DCC: variants seen among roughly 807,000 people sequenced by gnomAD.
DCC encodes the protein DCC netrin 1 receptor.
In DCC, 58 loss-of-function variants were observed where a neutral mutation model predicts 172.5. That is an observed-to-expected ratio of 0.34 (90% CI 0.27 to 0.42). DCC has a LOEUF of 0.42. DCC is among the 10% of genes least tolerant of loss of function. DCC has a pLI of 1.00. For missense variants in DCC, 1,740 were observed against 1,791.0 expected (o/e 0.97, Z 0.51); for synonymous variants, 709 against 644.5 (o/e 1.10, Z -1.52).
intron 1 of DCC, among the ~76,000 whole-genome samples, chr18:52,372,136 C>T (rs1398265283): frequency 3.9e-5 from 6 of 152,164 alleles, no homozygotes; most frequent in Non-Finnish European, 7.3e-5. Context: ...TAGTTATGCC[C>T]TCTTCTTTTG....
intron 1 of DCC, among the ~76,000 whole-genome samples, chr18:52,683,691 G>C (rs1326040602): frequency 1.3e-5 from 2 of 152,022 alleles, no homozygotes; most frequent in Non-Finnish European, 2.9e-5. Flanking sequence ...AAGCTTCACT[G>C]ATGGAAAGGG....
At chr18:52,556,733 C>G (rs1031288425) in intron 1 of DCC, among the ~76,000 whole-genome samples, 1 of 152,042 alleles carries the variant, frequency 6.6e-6, no homozygotes, top group Non-Finnish European at 1.5e-5. Context: ...TCCTTCCCCC[C>G]ACCTCATGAA....
intron 12 of DCC, among the ~76,000 whole-genome samples, chr18:53,251,247 C>T (rs1303487679): frequency 6.6e-6 from 1 of 151,934 alleles, no homozygotes; most frequent in Non-Finnish European, 1.5e-5. Flanking sequence ...TTTCCTAATG[C>T]TTACAAACAG....
chr18:53,401,803 G>A (rs950486588), intron 18 of DCC, among the ~76,000 whole-genome samples: 8 of 152,270 alleles, frequency 5.3e-5, no homozygotes, highest in African/African-American at 9.6e-5. Context: ...CTTCCAAAAC[G>A]TAGAAAGTGA....
chr18:53,371,701 T>C (rs576276649), intron 15 of DCC, among the ~76,000 whole-genome samples: 2 of 152,166 alleles, frequency 1.3e-5, no homozygotes, highest in Non-Finnish European at 2.9e-5. Flanking sequence ...TTCTATTGAA[T>C]GTTAACCCAA....
intron 15 of DCC, among the ~76,000 whole-genome samples, chr18:53,343,283 A>G (rs1050561185): frequency 8.6e-5 from 13 of 152,020 alleles, no homozygotes; most frequent in African/African-American, 3.1e-4. Context: ...TTACCATGAA[A>G]TAGGTTATTA....
At chr18:52,948,891 G>A (rs889272036) in intron 5 of DCC, among the ~76,000 whole-genome samples, 7 of 152,088 alleles carry the variant, frequency 4.6e-5, no homozygotes, top group Non-Finnish European at 1.0e-4. Flanking sequence ...GTGTTGCTTG[G>A]TCACACAGCT....
At chr18:52,483,738 C>T (rs538588907) in intron 1 of DCC, among the ~76,000 whole-genome samples, 4 of 152,176 alleles carry the variant, frequency 2.6e-5, no homozygotes, top group African/African-American at 2.4e-5. Flanking sequence ...CTGGGTTTCT[C>T]AATCTGGAAA....
chr18:52,966,752 C>T (rs1454498583), intron 5 of DCC, among the ~76,000 whole-genome samples: 1 of 152,164 alleles, frequency 6.6e-6, no homozygotes, highest in Non-Finnish European at 1.5e-5. Context: ...CCCCTTCAGG[C>T]CTATCAGTGG....
chr18:52,788,914 C>T (rs556601831), intron 2 of DCC, among the ~76,000 whole-genome samples: 1 of 152,224 alleles, frequency 6.6e-6, no homozygotes, highest in East Asian at 1.9e-4. Flanking sequence ...CATTGCAAGG[C>T]AACCCAAATC....
At position 53,037,082 on chromosome 18, in the gene DCC, C is replaced by G. The variant is rs138092111; in HGVS notation, c.986-26223C>G. Among the ~76,000 whole-genome samples the G allele has an allele frequency of 5.6e-3, 856 of 152,026 alleles. 4 individuals carry two copies. The highest frequency in any genetic ancestry group is 0.041 in the Middle Eastern group (12 of 294). The stretch of plus-strand genomic sequence containing the variant: ...TGACTTCTCTTTACACAGAGTAAAC[C>G]ATTACGGGGACATCAGGAAAGACCC... On this transcript the variant is annotated intron_variant, in intron 5 of 28. Coordinates refer to ENST00000442544, the MANE Select transcript of DCC (RefSeq NM_005215.4).
At chr18:53,334,957 G>A (rs1161068689) in intron 14 of DCC, among the ~76,000 whole-genome samples, 4 of 152,276 alleles carry the variant, frequency 2.6e-5, no homozygotes, top group African/African-American at 9.6e-5. Flanking sequence ...ATACTTAGAT[G>A]AGGAATTGCA....
At chr18:52,480,494 T>A (rs1474886460) in intron 1 of DCC, among the ~76,000 whole-genome samples, 3 of 152,162 alleles carry the variant, frequency 2.0e-5, no homozygotes, top group East Asian at 3.9e-4. Flanking sequence ...CAGGGATCTA[T>A]CAACACAAGT....
chr18:53,122,129 TA>T (rs1456101513), intron 7 of DCC, among the ~76,000 whole-genome samples: 1 of 152,024 alleles, frequency 6.6e-6, no homozygotes, highest in Non-Finnish European at 1.5e-5. Context: ...TGACTGATTT[TA>T]AAATTTTCAG....
chr18:53,480,861 A>G (rs536773128), intron 25 of DCC: 13 of 152,332 alleles, frequency 8.5e-5, no homozygotes, highest in South Asian at 2.1e-4. Context: ...TATTTTCTCA[A>G]TAGTATCTGA....
chr18:52,451,481 G>A (rs1988302918), intron 1 of DCC, among the ~76,000 whole-genome samples: 1 of 152,274 alleles, frequency 6.6e-6, no homozygotes, highest in Non-Finnish European at 1.5e-5. Context: ...GCCTCACTGT[G>A]TTAAACCAGC....
intron 10 of DCC, among the ~76,000 whole-genome samples, chr18:53,207,030 TTC>T (rs71958439): frequency 0.35 from 52,384 of 151,778 alleles, 9,964 homozygotes; most frequent in Non-Finnish European, 0.44. Flanking sequence ...TTTTTCAACT[TTC>T]TGTTTTATCT....
At chr18:52,869,920 GAC>G (rs2039291217) in intron 2 of DCC, among the ~76,000 whole-genome samples, 1 of 152,190 alleles carries the variant, frequency 6.6e-6, no homozygotes, top group South Asian at 2.1e-4. Context: ...AGAGTGCAGA[GAC>G]ACCTGGGTCC....
At chr18:52,875,972 G>A (rs183568068) in intron 2 of DCC, among the ~76,000 whole-genome samples, 15 of 151,758 alleles carry the variant, frequency 9.9e-5, no homozygotes, top group Admixed American at 8.6e-4. Context: ...AGACCACGTG[G>A]GTGAGAAGAA....
Sources: allele counts gnomAD v4.1 joint callset (sites outside exome capture counted in the v4.1 genomes callset), GRCh38; gene constraint gnomAD v4.1.1; transcripts MANE v1.5; gene names NCBI Gene and HGNC (gene_info 2026-07-23, HGNC 2026-07-21).